The following SCFD2 variants were observed in gnomAD, a reference collection of about 807,000 sequenced individuals.
SCFD2 encodes the protein sec1 family domain containing 2.
Under a neutral mutation model 58.9 loss-of-function variants are expected in SCFD2, and 54 were observed. That is an observed-to-expected ratio of 0.92 (90% CI 0.74 to 1.15). SCFD2 has a LOEUF of 1.15. SCFD2 is among the 50% of genes most tolerant of loss of function. SCFD2 has a pLI of 0.00. For missense variants in SCFD2, 805 were observed against 836.6 expected (o/e 0.96, Z 0.47); for synonymous variants, 321 against 335.9 (o/e 0.96, Z 0.49).
intron 4 of SCFD2, among the ~76,000 whole-genome samples, chr4:53,257,323 T>G (rs558066546): frequency 6.6e-6 from 1 of 152,118 alleles, no homozygotes; most frequent in East Asian, 1.9e-4. Flanking sequence ...GTCAGTTCAA[T>G]GTGAAGAAGA....
At chr4:53,290,857 T>C (rs185338071) in intron 3 of SCFD2, among the ~76,000 whole-genome samples, 594 of 152,024 alleles carry the variant, frequency 3.9e-3, no homozygotes, top group Non-Finnish European at 6.2e-3. Flanking sequence ...CTAGAGAAAA[T>C]TGATAAATTT....
rs568402041 is a variant in SCFD2, at chr4:53,297,716, T to C, written c.1135+15920A>G. ...GCCATTATGATGCTAGCTGGTTATTTTGCCCGTTAGTTGATGCAGTTTCTT... is the reference window on the plus strand; with the variant it reads ...GCCATTATGATGCTAGCTGGTTATTCTGCCCGTTAGTTGATGCAGTTTCTT... On this transcript the variant is annotated intron_variant, in intron 3 of 8. Transcript: ENST00000401642. Among the ~76,000 whole-genome samples, 227 of 152,332 alleles carry C rather than the reference T, an allele frequency of 1.5e-3. 2 individuals are homozygous for C. The highest frequency in any genetic ancestry group is 6.8e-3 in the Middle Eastern group (2 of 294).
intron 5 of SCFD2, among the ~76,000 whole-genome samples, chr4:52,931,456 T>A (rs754698716): frequency 2.0e-5 from 3 of 152,170 alleles, no homozygotes; most frequent in South Asian, 4.1e-4. Context: ...AACATGCCCA[T>A]GAGTTAAGCA....
chr4:52,903,114 T>C (rs1719258949), intron 7 of SCFD2, among the ~76,000 whole-genome samples: 1 of 152,198 alleles, frequency 6.6e-6, no homozygotes, highest in Non-Finnish European at 1.5e-5. Context: ...GTCTACAAAA[T>C]ACACCCCTTT....
At chr4:52,978,839 A>G (rs964436226) in intron 5 of SCFD2, among the ~76,000 whole-genome samples, 1 of 152,122 alleles carries the variant, frequency 6.6e-6, no homozygotes, top group African/African-American at 2.4e-5. Flanking sequence ...GGCATATTTG[A>G]TAAGTATCAC....
At chr4:53,129,914 C>T (rs142945015) in intron 5 of SCFD2, among the ~76,000 whole-genome samples, 2 of 152,298 alleles carry the variant, frequency 1.3e-5, no homozygotes, top group African/African-American at 2.4e-5. Flanking sequence ...TGGGATCAGG[C>T]TTTCTATTTA....
At chr4:53,285,857 G>C (rs1731648485) in intron 3 of SCFD2, among the ~76,000 whole-genome samples, 1 of 152,024 alleles carries the variant, frequency 6.6e-6, no homozygotes, top group Non-Finnish European at 1.5e-5. Flanking sequence ...CACAGGTCAT[G>C]AGCCCAGTTA....
At chr4:53,137,071 A>G (rs574872085) in intron 5 of SCFD2, among the ~76,000 whole-genome samples, 1 of 152,316 alleles carries the variant, frequency 6.6e-6, no homozygotes, top group East Asian at 1.9e-4. Flanking sequence ...TACCTAATGT[A>G]CATTTTCACT....
At chr4:53,063,259 C>A (rs910058209) in intron 5 of SCFD2, among the ~76,000 whole-genome samples, 6 of 152,162 alleles carry the variant, frequency 3.9e-5, no homozygotes, top group Non-Finnish European at 5.9e-5. Context: ...AGGACTTTCA[C>A]CTTTCAACAT....
chr4:52,911,289 T>C (rs931279753), intron 6 of SCFD2, among the ~76,000 whole-genome samples: 1 of 151,902 alleles, frequency 6.6e-6, no homozygotes, highest in Non-Finnish European at 1.5e-5. Context: ...TATGGAGGGA[T>C]TGGGGTAAGT....
At chr4:52,930,515 C>T (rs1321407723) in intron 5 of SCFD2, among the ~76,000 whole-genome samples, 2 of 151,948 alleles carry the variant, frequency 1.3e-5, no homozygotes, top group Non-Finnish European at 2.9e-5. Context: ...CAAATGGGAA[C>T]CATCAAGGAG....
intron 5 of SCFD2, among the ~76,000 whole-genome samples, chr4:53,085,141 A>G (rs1391143363): frequency 6.6e-6 from 1 of 152,232 alleles, no homozygotes; most frequent in Non-Finnish European, 1.5e-5. Context: ...GAAAAAACCA[A>G]AGACTCCACA....
At chr4:53,340,355 G>A (rs529210710) in intron 2 of SCFD2, among the ~76,000 whole-genome samples, 26 of 152,276 alleles carry the variant, frequency 1.7e-4, no homozygotes, top group East Asian at 3.9e-4. Flanking sequence ...ACAAAGCCTC[G>A]CTCATTGCTA....
intron 4 of SCFD2, among the ~76,000 whole-genome samples, chr4:53,219,477 C>G (rs542856388): frequency 1.2e-4 from 18 of 152,286 alleles, no homozygotes; most frequent in Middle Eastern, 3.4e-3. Flanking sequence ...TTGCTAAGAC[C>G]GTTGGAAAAG....
chr4:53,118,203 G>A (rs1725377746), intron 5 of SCFD2, among the ~76,000 whole-genome samples: 1 of 152,192 alleles, frequency 6.6e-6, no homozygotes, highest in South Asian at 2.1e-4. Flanking sequence ...CTCTTTGAGG[G>A]CAGGGGATTT....
intron 4 of SCFD2, among the ~76,000 whole-genome samples, chr4:53,248,091 G>A (rs1453970042): frequency 6.6e-6 from 1 of 152,196 alleles, no homozygotes; most frequent in African/African-American, 2.4e-5. Context: ...CCGAAGCAGG[G>A]CGAGGCATTG....
chr4:53,048,646 T>C (rs1277691089), intron 5 of SCFD2, among the ~76,000 whole-genome samples: 1 of 152,136 alleles, frequency 6.6e-6, no homozygotes, highest in African/African-American at 2.4e-5. Flanking sequence ...TAGGTTGAAG[T>C]GGACAGATCG....
intron 4 of SCFD2, among the ~76,000 whole-genome samples, chr4:53,262,328 G>A (rs558617413): frequency 8.6e-5 from 13 of 151,902 alleles, no homozygotes; most frequent in East Asian, 1.9e-4. Flanking sequence ...TTTTCCCATC[G>A]TGTTATTGTT....
At chr4:53,352,576 T>C (rs772865656) in intron 2 of SCFD2, 22 bp downstream of exon 2, 1 of 1,575,098 alleles carries the variant, frequency 6.3e-7, no homozygotes, top group African/African-American at 1.3e-5. Context: ...AAAGATAAGA[T>C]GACAAAAACT....
Sources: gnomAD v4.1 joint callset for allele counts (sites outside exome capture counted in the v4.1 genomes callset) on GRCh38, gnomAD v4.1.1 for gene constraint, MANE v1.5 for transcripts, NCBI Gene and HGNC (gene_info 2026-07-23, HGNC 2026-07-21) for gene names.